ATP6V1A: variants seen among roughly 807,000 people sequenced by gnomAD.
The protein encoded by ATP6V1A is V-type proton ATPase catalytic subunit A.
ATP6V1A carries 18 observed loss-of-function variants against 70.1 expected under a neutral mutation model. The ratio of observed to expected loss-of-function variants is 0.26; its 90% confidence interval spans 0.18 to 0.38. The LOEUF (loss-of-function observed/expected upper bound fraction) is 0.38. Ranked by LOEUF, ATP6V1A falls within the 10% of genes least tolerant of loss-of-function variation. The pLI, the probability that ATP6V1A is intolerant of heterozygous loss-of-function variation, is 1.00. For synonymous variants in ATP6V1A, 232 were observed against 253.8 expected, an observed-to-expected ratio of 0.91 and a Z score of 0.82; for missense variants, 424 against 772.4, an observed-to-expected ratio of 0.55 and a Z score of 5.35.
chr3:113,771,064 C>T (rs1708834181), intron 1 of ATP6V1A, among the ~76,000 whole-genome samples: 1 of 150,506 alleles, frequency 6.6e-6, no homozygotes, highest in Non-Finnish European at 1.5e-5. Flanking sequence ...CACTGCACTC[C>T]AGCCTGGGCA....
chr3:113,777,022 T>C (rs927301137), intron 1 of ATP6V1A, among the ~76,000 whole-genome samples: 2 of 152,266 alleles, frequency 1.3e-5, no homozygotes, highest in African/African-American at 4.8e-5. Context: ...ACTTTATCAC[T>C]TATTGATCTA....
chr3:113,782,149 A>G (rs1373780445), intron 3 of ATP6V1A, among the ~76,000 whole-genome samples: 1 of 152,192 alleles, frequency 6.6e-6, no homozygotes, highest in East Asian at 1.9e-4. Flanking sequence ...GCCATTCTAA[A>G]ACACATGCGT....
intron 2 of ATP6V1A, 76 bp downstream of exon 2, chr3:113,778,911 AATATACAACTTTCTG>A: frequency 2.0e-6 from 2 of 1,003,466 alleles, no homozygotes; most frequent in Non-Finnish European, 2.8e-6. Context: ...TTTACATAGA[AATATACAACTTTCTG>A]TTTACCTGCA....
At chr3:113,773,958 T>C (rs1248635174) in intron 1 of ATP6V1A, among the ~76,000 whole-genome samples, 1 of 152,162 alleles carries the variant, frequency 6.6e-6, no homozygotes, top group Non-Finnish European at 1.5e-5. Flanking sequence ...TACTTCATTA[T>C]ATTTTCCATC....
chr3:113,804,757 G>A (rs189783600), intron 13 of ATP6V1A, among the ~76,000 whole-genome samples: 12 of 152,342 alleles, frequency 7.9e-5, no homozygotes, highest in East Asian at 1.9e-4. Context: ...GTGAAATTAT[G>A]TATGCAAAGG....
chr3:113,787,624 G>A (rs185104355), intron 6 of ATP6V1A, among the ~76,000 whole-genome samples: 150 of 152,164 alleles, frequency 9.9e-4, no homozygotes, highest in Non-Finnish European at 1.9e-3. Flanking sequence ...AGCATGCACA[G>A]GAATAGATCT....
At chr3:113,759,436 T>C (rs1708678437) in intron 1 of ATP6V1A, among the ~76,000 whole-genome samples, 1 of 151,974 alleles carries the variant, frequency 6.6e-6, no homozygotes, top group Non-Finnish European at 1.5e-5. Context: ...TTTGAGCTAA[T>C]AAATTTTGTA....
intron 1 of ATP6V1A, among the ~76,000 whole-genome samples, chr3:113,750,481 C>CA (rs1464341160): frequency 5.3e-5 from 8 of 151,114 alleles, no homozygotes; most frequent in East Asian, 1.9e-4. Flanking sequence ...GACTCCATCT[C>CA]AAAAAAAACA....
chr3:113,748,583 A>C (rs1188071708), intron 1 of ATP6V1A, among the ~76,000 whole-genome samples: 2 of 152,244 alleles, frequency 1.3e-5, no homozygotes, highest in African/African-American at 4.8e-5. Context: ...CAAATTCTAT[A>C]CAATAAACGG....
At chr3:113,760,856 C>G (rs1306154908) in intron 1 of ATP6V1A, among the ~76,000 whole-genome samples, 1 of 152,046 alleles carries the variant, frequency 6.6e-6, no homozygotes, top group South Asian at 2.1e-4. Context: ...ATCACAAGAT[C>G]AAGAGATCGA....
intron 5 of ATP6V1A, among the ~76,000 whole-genome samples, chr3:113,785,688 G>C (rs1038720774): frequency 2.1e-5 from 3 of 143,798 alleles, no homozygotes; most frequent in Non-Finnish European, 4.6e-5. Context: ...TTTTTTTTTT[G>C]AGATGGACTC....
chr3:113,773,486 G>C (rs1708874666), intron 1 of ATP6V1A, among the ~76,000 whole-genome samples: 1 of 152,060 alleles, frequency 6.6e-6, no homozygotes, highest in African/African-American at 2.4e-5. Flanking sequence ...TTTCATGCTG[G>C]CTAGGATTTT....
intron 1 of ATP6V1A, among the ~76,000 whole-genome samples, chr3:113,771,374 A>G (rs1047225148): frequency 1.3e-5 from 2 of 151,094 alleles, no homozygotes; most frequent in African/African-American, 4.9e-5. Context: ...TAGTATGTCT[A>G]CCTGATGAGT....
intron 1 of ATP6V1A, among the ~76,000 whole-genome samples, chr3:113,751,935 G>T (rs1026362320): frequency 1.6e-4 from 25 of 151,600 alleles, no homozygotes; most frequent in Non-Finnish European, 3.5e-4. Flanking sequence ...AAAAATTAAT[G>T]GTATATCATA....
intron 6 of ATP6V1A, among the ~76,000 whole-genome samples, chr3:113,787,498 C>T (rs764283683): frequency 1.3e-5 from 2 of 152,110 alleles, no homozygotes; most frequent in Admixed American, 1.3e-4. Context: ...TGGCTTAAGC[C>T]TCTCTGTAAC....
At chr3:113,763,457 A>C (rs978700331) in intron 1 of ATP6V1A, among the ~76,000 whole-genome samples, 3 of 152,202 alleles carry the variant, frequency 2.0e-5, no homozygotes, top group Non-Finnish European at 2.9e-5. Flanking sequence ...CCAAAGTATT[A>C]GGTAATAATT....
intron 7 of ATP6V1A, 21 bp downstream of exon 7, chr3:113,788,896 A>G (rs746318271): frequency 1.2e-6 from 2 of 1,601,320 alleles, no homozygotes; most frequent in South Asian, 1.1e-5. Flanking sequence ...AGCTTCAAAT[A>G]ATATCCTAGA....
At chr3:113,759,731 C>T (rs2108011245) in intron 1 of ATP6V1A, among the ~76,000 whole-genome samples, 1 of 152,142 alleles carries the variant, frequency 6.6e-6, no homozygotes, top group Admixed American at 6.6e-5. Flanking sequence ...AGCATTAGGC[C>T]AAAATGTGTA....
chr3:113,774,001 T>TA (rs1023771546), intron 1 of ATP6V1A, among the ~76,000 whole-genome samples: 7 of 151,358 alleles, frequency 4.6e-5, no homozygotes, highest in Non-Finnish European at 5.9e-5. Flanking sequence ...CATCAATGCT[T>TA]AAAAAAAATA....
Sources: allele counts gnomAD v4.1 joint callset (sites outside exome capture counted in the v4.1 genomes callset), GRCh38; gene constraint gnomAD v4.1.1; transcripts MANE v1.5; gene names NCBI Gene and HGNC (gene_info 2026-07-23, HGNC 2026-07-21).